SIX4: variants seen among roughly 807,000 people sequenced by gnomAD.
SIX4 encodes the protein SIX homeobox 4.
Under a neutral mutation model 51.5 loss-of-function variants are expected in SIX4, and 23 were observed. The ratio of observed to expected loss-of-function variants is 0.45; its 90% confidence interval spans 0.32 to 0.63. The LOEUF is 0.63. Ranked by LOEUF, SIX4 falls within the 30% of genes least tolerant of loss-of-function variation. SIX4 has a pLI of 0.04. For missense variants in SIX4, 867 were observed against 984.0 expected, an observed-to-expected ratio of 0.88 and a Z score of 1.59; for synonymous variants, 413 against 417.3, an observed-to-expected ratio of 0.99 and a Z score of 0.13.
rs1161664240 is a variant in SIX4, at chr14:60,713,575, TAAG to T, written c.2175_2177del (p.Phe725del). The T allele has an allele frequency of 6.8e-6, 11 of 1,614,214 alleles. No homozygotes were observed. Among genetic ancestry groups the T allele is most frequent in the Non-Finnish European group, 8.5e-6 (10 of 1,180,030 alleles). On this transcript the variant is annotated inframe_deletion, in exon 3 of 3. Transcript: ENST00000216513. ...TTGTTGCTTTGCTCTCAGAATTTGATAAGAAATTCTCTTTCATGTTAGCTACCG... is the reference window on the plus strand; with the variant it reads ...TTGTTGCTTTGCTCTCAGAATTTGATAAATTCTCTTTCATGTTAGCTACCG...
chr14:60,716,262 T>A (rs899764768), intron 2 of SIX4, among the ~76,000 whole-genome samples: 7 of 150,950 alleles, frequency 4.6e-5, no homozygotes, highest in East Asian at 2.0e-4. Context: ...AAAAAAAAAA[T>A]TTTTTTTTGA....
Position 60,722,973 on chromosome 14 carries a change from G to C in SIX4, c.863+239C>G. On this transcript the variant is annotated intron_variant, in intron 1 of 2. Coordinates refer to ENST00000216513, the MANE Select transcript of SIX4 (RefSeq NM_017420.5). This position sits in a 1 kb window ranked among gnomAD's most constrained non-coding sequence, Gnocchi z 5.9. ...GGGGCGGGGACTGAGACCTAGGCGG[G>C]CGACCAGAAACTTCTGGGGGGAGAG... 1.4e-6 allele frequency: 1 copy of C among 725,850 alleles called. No homozygotes were observed. The highest frequency in any genetic ancestry group is 1.8e-5 in the African/African-American group (1 of 54,662). 45.0% of individuals were successfully genotyped at this position (725,850 alleles called of 1,614,324 possible). A position where few individuals can be genotyped will look rare whatever the true frequency, so the allele number is the denominator to read the frequency against.
rs1042871799 is a variant in SIX4, at chr14:60,713,277, A to G, written c.*130T>C. On this transcript the variant is annotated 3_prime_UTR_variant, in exon 3 of 3. Transcript: ENST00000216513. ...CTGTGATCTTCATGCAGATCAATCT[A>G]AAGTCTCTTGTATGCATATACTTGC... is the stretch of plus-strand genomic sequence containing the variant. The G allele has an allele frequency of 2.5e-5, 22 of 873,236 alleles. No homozygotes were observed. Among genetic ancestry groups the G allele is most frequent in the Admixed American group, 1.2e-4 (4 of 34,586 alleles). The allele number at this position is 873,236 out of a possible 1,614,324, so 54.1% of individuals were successfully genotyped here.
Position 60,724,028 on chromosome 14 carries a change from A to T in SIX4, c.47T>A (p.Ile16Asn). 1 of 1,526,636 alleles carries T rather than the reference A, an allele frequency of 6.6e-7. No homozygotes were observed. Among genetic ancestry groups the T allele is most frequent in the Non-Finnish European group, 8.8e-7 (1 of 1,138,238 alleles). The allele number at this position is 1,526,636 out of a possible 1,614,324, so 94.6% of individuals were successfully genotyped here. A position where few individuals can be genotyped will look rare whatever the true frequency, so the allele number is the denominator to read the frequency against. ...PTGQIASAAD[I>N]KQENGMESAS... ...GCTTTCCATCCCATTCTCTTGCTTG[A>T]TGTCCGCCGCACTTGCGATCTGCCC... The change falls in exon 1 of 3, where the codon ATC (isoleucine) becomes AAC (asparagine). Residue 16 changes from isoleucine (I) to asparagine (N), a missense_variant. Transcript: ENST00000216513.
chr14:60,724,272 AG>A lies in SIX4; in HGVS notation c.-199del. The A allele has an allele frequency of 6.5e-7, 1 of 1,532,674 alleles. No homozygotes were observed. Among genetic ancestry groups the A allele is most frequent in the South Asian group, 1.2e-5 (1 of 83,248 alleles). 94.9% of individuals were successfully genotyped at this position (1,532,674 alleles called of 1,614,324 possible). On this transcript the variant is annotated 5_prime_UTR_variant, in exon 1 of 3. The change abolishes the stop of an existing upstream ORF in the 5' untranslated region. Coordinates refer to ENST00000216513, the MANE Select transcript of SIX4 (RefSeq NM_017420.5). ...CGCAGTCACCATTAAGATAGCTGTT[AG>A]AGCAAAGTAGTGTAAACGGATAGCT...
At chr14:60,721,953 C>A (rs1896028311) in intron 1 of SIX4, among the ~76,000 whole-genome samples, 1 of 152,360 alleles carries the variant, frequency 6.6e-6, no homozygotes, top group South Asian at 2.1e-4. Flanking sequence ...GCCTCCCTCC[C>A]AGCCTTGGGC....
rs758238878 is a variant in SIX4, at chr14:60,710,552, CCT to C, written c.*2853_*2854del. On this transcript the variant is annotated 3_prime_UTR_variant, in exon 3 of 3. Coordinates refer to ENST00000216513, the MANE Select transcript of SIX4 (RefSeq NM_017420.5). ...TGGGTTTTGCAGGGAGTCATTTACC[CCT>C]GTTTTGATCTTCAGGGATCATTAGA... 5 of 152,564 alleles carry C rather than the reference CCT, an allele frequency of 3.3e-5. No homozygotes were observed. Among genetic ancestry groups the C allele is most frequent in the Non-Finnish European group, 5.9e-5 (4 of 68,034 alleles). The allele number at this position is 152,564 out of a possible 1,614,324, so 9.5% of individuals were successfully genotyped here.
intron 1 of SIX4, among the ~76,000 whole-genome samples, chr14:60,721,743 C>A (rs1896024425): frequency 6.6e-6 from 1 of 152,220 alleles, no homozygotes. Context: ...TCGCGGTGCC[C>A]CCTTGCCACC....
intron 2 of SIX4, among the ~76,000 whole-genome samples, chr14:60,714,673 T>C (rs1023830740): frequency 1.3e-5 from 2 of 148,770 alleles, no homozygotes; most frequent in African/African-American, 2.4e-5. Context: ...TATTATTTCT[T>C]TTTTTTTTTT....
rs1033977816 is a variant in SIX4, at chr14:60,717,380, A to C, written c.1549+2380T>G. ...AAGCCACTGTGCCCGGCGTCTTTAA[A>C]ATTCTTGTAGGCAGCTGATTTGTGG... On this transcript the variant is annotated intron_variant, in intron 2 of 2. Coordinates refer to ENST00000216513, the MANE Select transcript of SIX4 (RefSeq NM_017420.5). This position sits in a 1 kb window ranked among gnomAD's most constrained non-coding sequence, Gnocchi z 4.6. Among the ~76,000 whole-genome samples the C allele has an allele frequency of 6.6e-6, 1 of 152,196 alleles. No individual in the cohort carries two copies. The highest frequency in any genetic ancestry group is 1.5e-5 in the Non-Finnish European group (1 of 68,038).
rs887355549 is a variant in SIX4, at chr14:60,717,387, G to C, written c.1549+2373C>G. ...TGTGCCCGGCGTCTTTAAAATTCTT[G>C]TAGGCAGCTGATTTGTGGCAAAAAA... On this transcript the variant is annotated intron_variant, in intron 2 of 2. Coordinates refer to ENST00000216513, the MANE Select transcript of SIX4 (RefSeq NM_017420.5). This position sits in a 1 kb window ranked among gnomAD's most constrained non-coding sequence, Gnocchi z 4.6. Among the ~76,000 whole-genome samples the C allele has an allele frequency of 2.0e-5, 3 of 152,154 alleles. No individual in the cohort carries two copies. Among genetic ancestry groups the C allele is most frequent in the Admixed American group, 2.0e-4 (3 of 15,264 alleles).
At position 60,720,505 on chromosome 14, in the gene SIX4, G is replaced by A; in HGVS notation, c.864-60C>T. 1 of 1,493,110 alleles carries A rather than the reference G, an allele frequency of 6.7e-7. No individual in the cohort carries two copies. The highest frequency in any genetic ancestry group is 9.0e-7 in the Non-Finnish European group (1 of 1,108,150). The allele number at this position is 1,493,110 out of a possible 1,614,324, so 92.5% of individuals were successfully genotyped here. Reference sequence around the variant, plus strand: ...TCAGGGGGATGACATTCTACACAGTGCCACTTGTTTGGAAAACCAGCTTCT... The same window carrying A: ...TCAGGGGGATGACATTCTACACAGTACCACTTGTTTGGAAAACCAGCTTCT... On this transcript the variant is annotated intron_variant, in intron 1 of 2. Coordinates refer to ENST00000216513, the MANE Select transcript of SIX4 (RefSeq NM_017420.5). The surrounding 1 kb of genome is among the most constrained non-coding windows in gnomAD (Gnocchi z 5.5).
At position 60,722,594 on chromosome 14, in the gene SIX4, G is replaced by T. The variant is rs1896043067; in HGVS notation, c.863+618C>A. Among the ~76,000 whole-genome samples, 1 of 152,132 alleles carries T rather than the reference G, an allele frequency of 6.6e-6. No homozygotes were observed. Among genetic ancestry groups the T allele is most frequent in the African/African-American group, 2.4e-5 (1 of 41,422 alleles). On this transcript the variant is annotated intron_variant, in intron 1 of 2. Coordinates refer to ENST00000216513, the MANE Select transcript of SIX4 (RefSeq NM_017420.5). The surrounding 1 kb of genome is among the most constrained non-coding windows in gnomAD (Gnocchi z 5.9). The stretch of plus-strand genomic sequence containing the variant: ...AGGGAACCATAGGGGCAGGGTGAAT[G>T]ATTAACTCTGTCATATGAAACCTCG...
intron 2 of SIX4, among the ~76,000 whole-genome samples, chr14:60,715,225 T>C (rs917863508): frequency 1.3e-5 from 2 of 152,218 alleles, no homozygotes; most frequent in Admixed American, 6.5e-5. Flanking sequence ...TTGATAGTTA[T>C]TGCTAGCTCT....
At chr14:60,721,256 T>G in intron 1 of SIX4, 1 of 640,750 alleles carries the variant, frequency 1.6e-6, no homozygotes, top group Non-Finnish European at 1.9e-6. Flanking sequence ...CTCAGCTCTC[T>G]GACTTGGGAG....
chr14:60,718,400 G>C (rs1895958996), intron 2 of SIX4, among the ~76,000 whole-genome samples: 1 of 151,956 alleles, frequency 6.6e-6, no homozygotes, highest in African/African-American at 2.4e-5. Context: ...ATTTTCTATG[G>C]CAGTGCTCCT....
At chr14:60,715,536 T>C (rs147544098) in intron 2 of SIX4, among the ~76,000 whole-genome samples, 67 of 152,296 alleles carry the variant, frequency 4.4e-4, no homozygotes, top group African/African-American at 1.6e-3. Flanking sequence ...CTTTTTAAAA[T>C]ACAGATTAAC....
rs776932380 is a variant in SIX4 at position 60,723,232 on chromosome 14, G to C, written c.843C>G (p.Pro281=). Residue 281 remains proline (P), a synonymous_variant, in exon 1 of 3, where the codon CCC becomes CCG. Coordinates refer to ENST00000216513, the MANE Select transcript of SIX4 (RefSeq NM_017420.5). ...CTCACCTTTTGGACTGGGTCTCGGA[G>C]GGGTTCCTGTCGCGCTGCCGGCGGT... is the stretch of plus-strand genomic sequence containing the variant. ...FKNRRQRDRN[P]SETQSKSESD... is the part of the protein sequence containing the mutation. 6.2e-7 allele frequency: 1 copy of C among 1,612,620 alleles called. No individual in the cohort carries two copies. The highest frequency in any genetic ancestry group is 1.1e-5 in the South Asian group (1 of 90,972).
At position 60,722,544 on chromosome 14, in the gene SIX4, G is replaced by T. The variant is rs975057282; in HGVS notation, c.863+668C>A. Among the ~76,000 whole-genome samples the T allele has an allele frequency of 6.6e-5, 10 of 152,204 alleles. No homozygotes were observed. The highest frequency in any genetic ancestry group is 6.5e-4 in the Admixed American group (10 of 15,286). ...AACATGACAGAGCCGAGCTGCACCA[G>T]CACCCCACGTTGCCGCGGCCGCTAA... On this transcript the variant is annotated intron_variant, in intron 1 of 2. Coordinates refer to ENST00000216513, the MANE Select transcript of SIX4 (RefSeq NM_017420.5). The surrounding 1 kb of genome is among the most constrained non-coding windows in gnomAD (Gnocchi z 5.9).
Sources: allele counts gnomAD v4.1 joint callset (sites outside exome capture counted in the v4.1 genomes callset), GRCh38; gene constraint gnomAD v4.1.1; non-coding constraint Gnocchi (gnomAD v3.1); transcripts MANE v1.5; gene names NCBI Gene and HGNC (gene_info 2026-07-23, HGNC 2026-07-21).